ROCK2: variants seen among roughly 807,000 people sequenced by gnomAD.
The protein encoded by ROCK2 is rho-associated protein kinase 2.
In ROCK2, 61 loss-of-function variants were observed where a neutral mutation model predicts 195.1. That is an observed-to-expected ratio of 0.31 (90% CI 0.25 to 0.39). The LOEUF is 0.39. Ranked by LOEUF, ROCK2 falls within the 10% of genes least tolerant of loss-of-function variation. ROCK2 has a pLI of 1.00. For missense variants in ROCK2, 1,109 were observed against 1,637.4 expected, an observed-to-expected ratio of 0.68 and a Z score of 5.57; for synonymous variants, 504 against 545.5, an observed-to-expected ratio of 0.92 and a Z score of 1.06.
intron 3 of ROCK2, among the ~76,000 whole-genome samples, chr2:11,269,317 GC>G (rs796276213): frequency 7.2e-5 from 11 of 152,142 alleles, no homozygotes; most frequent in African/African-American, 2.6e-4. Flanking sequence ...TTTGAGACCA[GC>G]CTGGCCAACA....
At chr2:11,341,392 TTAAC>T (rs1669101236) in intron 1 of ROCK2, among the ~76,000 whole-genome samples, 1 of 152,186 alleles carries the variant, frequency 6.6e-6, no homozygotes, top group Non-Finnish European at 1.5e-5. Flanking sequence ...TTTAAAGCAG[TTAAC>T]TAATAACATG....
At chr2:11,269,666 T>C (rs1474055195) in intron 3 of ROCK2, among the ~76,000 whole-genome samples, 8 of 152,224 alleles carry the variant, frequency 5.3e-5, no homozygotes, top group Admixed American at 4.6e-4. Flanking sequence ...GCCGGTGTGA[T>C]TGTTGTCCAG....
chr2:11,221,778 T>C (rs1317063565), intron 8 of ROCK2, among the ~76,000 whole-genome samples: 1 of 152,208 alleles, frequency 6.6e-6, no homozygotes, highest in Non-Finnish European at 1.5e-5. Context: ...GTCAAACGCA[T>C]TTAAATTAAA....
At chr2:11,194,723 A>G (rs988234984) in intron 28 of ROCK2, among the ~76,000 whole-genome samples, 1 of 152,128 alleles carries the variant, frequency 6.6e-6, no homozygotes, top group Non-Finnish European at 1.5e-5. Flanking sequence ...CAGCAAAAGT[A>G]TCAAAATCAA....
In ROCK2 at chr2:11,198,712, T is replaced by C. The variant is rs1663732910; in HGVS notation, c.2973A>G (p.Glu991=). The C allele has an allele frequency of 6.2e-7, 1 of 1,609,654 alleles. No individual in the cohort carries two copies. The highest frequency in any genetic ancestry group is 1.3e-5 in the African/African-American group (1 of 74,772). Residue 991 remains glutamate, a synonymous_variant, in exon 24 of 33, where the codon GAA becomes GAG. Coordinates refer to ENST00000315872, the MANE Select transcript of ROCK2 (RefSeq NM_004850.5). ...DVANLANEKE[E]LNNKLKDVQE... Reference sequence around the variant, plus strand: ...GAACATCTTTCAATTTGTTATTTAATTCTTCTTTCTCATTTGCAAGATTGG... The same window carrying C: ...GAACATCTTTCAATTTGTTATTTAACTCTTCTTTCTCATTTGCAAGATTGG...
At chr2:11,231,184 A>AT (rs960231792) in intron 5 of ROCK2, among the ~76,000 whole-genome samples, 27 of 147,850 alleles carry the variant, frequency 1.8e-4, no homozygotes, top group East Asian at 3.9e-4. Flanking sequence ...TCTTCAGGTA[A>AT]TTTTTTTTTT....
chr2:11,216,064 G>T (rs726843), intron 13 of ROCK2, 94 bp downstream of exon 13: 1 of 943,302 alleles, frequency 1.1e-6, no homozygotes, highest in Non-Finnish European at 1.7e-6. Flanking sequence ...TTCAAGGCAC[G>T]TATTACTATG....
intron 18 of ROCK2, among the ~76,000 whole-genome samples, chr2:11,209,451 C>T (rs566431222): frequency 9.9e-4 from 151 of 152,316 alleles, no homozygotes; most frequent in African/African-American, 3.2e-3. Context: ...CAAGGAAACG[C>T]TCACAATGTC....
At chr2:11,339,908 G>T (rs1337055191) in intron 1 of ROCK2, among the ~76,000 whole-genome samples, 1 of 152,124 alleles carries the variant, frequency 6.6e-6, no homozygotes, top group African/African-American at 2.4e-5. Context: ...ATTAACTTGT[G>T]TGGTGATTTC....
intron 1 of ROCK2, among the ~76,000 whole-genome samples, chr2:11,292,663 G>C (rs2148202535): frequency 6.6e-6 from 1 of 152,330 alleles, no homozygotes; most frequent in Middle Eastern, 3.4e-3. Context: ...TGTATCTGCT[G>C]TACAGATTAG....
At chr2:11,313,995 A>G (rs537229747) in intron 1 of ROCK2, among the ~76,000 whole-genome samples, 2 of 152,054 alleles carry the variant, frequency 1.3e-5, no homozygotes, top group African/African-American at 2.4e-5. Flanking sequence ...ATAAATATAT[A>G]TAAGAACACT....
At chr2:11,290,826 G>A (rs1429549958) in intron 1 of ROCK2, among the ~76,000 whole-genome samples, 1 of 152,074 alleles carries the variant, frequency 6.6e-6, no homozygotes, top group African/African-American at 2.4e-5. Context: ...ATAAGACACT[G>A]GAGGGAAAAA....
rs572099957 is a variant in ROCK2, at chr2:11,314,757, A to G, written c.142-27021T>C. 2.2e-4 allele frequency among the ~76,000 whole-genome samples: 33 copies of G among 152,152 alleles called. No individual in the cohort carries two copies. The Middle Eastern group carries it at 0.01, about 47-fold the overall frequency. On this transcript the variant is annotated intron_variant, in intron 1 of 32. Coordinates refer to ENST00000315872, the MANE Select transcript of ROCK2 (RefSeq NM_004850.5). ...TGTGGTATGTGATAAAGCCAGGCAA[A>G]TATGATGCTTAAATATAGATGTCCT... is the stretch of plus-strand genomic sequence containing the variant.
intron 1 of ROCK2, among the ~76,000 whole-genome samples, chr2:11,316,819 C>T (rs138029033): frequency 4.1e-4 from 63 of 152,104 alleles, no homozygotes; most frequent in African/African-American, 1.2e-3. Context: ...AAAGAGAGGG[C>T]TAAAACAAAA....
chr2:11,317,601 TATA>T lies in ROCK2; in HGVS notation c.141+26392_141+26394del, dbSNP rs1558388390. 7.5e-4 allele frequency among the ~76,000 whole-genome samples: 14 copies of T among 18,570 alleles called. 1 individual carries two copies. The East Asian group carries it at 0.016, about 21-fold the overall frequency. 12.2% of individuals were successfully genotyped at this position (18,570 alleles called of 152,430 possible). A position where few individuals can be genotyped will look rare whatever the true frequency, so the allele number is the denominator to read the frequency against. ...TTATATATATATATATATATATATA[TATA>T]TATATATATTTTTTTTTTTTTTTAA... On this transcript the variant is annotated intron_variant, in intron 1 of 32. Coordinates refer to ENST00000315872, the MANE Select transcript of ROCK2 (RefSeq NM_004850.5).
At chr2:11,220,145 G>A (rs1027179559) in intron 9 of ROCK2, among the ~76,000 whole-genome samples, 4 of 152,188 alleles carry the variant, frequency 2.6e-5, no homozygotes, top group African/African-American at 9.7e-5. Flanking sequence ...AACCTCCAGA[G>A]TAGCTGGGAT....
At chr2:11,190,557 T>C (rs1162485003) in intron 32 of ROCK2, among the ~76,000 whole-genome samples, 1 of 141,808 alleles carries the variant, frequency 7.1e-6, no homozygotes, top group Non-Finnish European at 1.6e-5. Flanking sequence ...CATTAATGTG[T>C]CAAATAGCAC....
intron 3 of ROCK2, among the ~76,000 whole-genome samples, chr2:11,254,165 C>G (rs1665934763): frequency 6.6e-6 from 1 of 152,132 alleles, no homozygotes; most frequent in Admixed American, 6.5e-5. Context: ...TACCAGCTAG[C>G]CCTCCCATTG....
chr2:11,223,419 C>T (rs1664703224), intron 7 of ROCK2, among the ~76,000 whole-genome samples: 1 of 152,054 alleles, frequency 6.6e-6, no homozygotes, highest in South Asian at 2.1e-4. Context: ...CCCAGAATTC[C>T]ACCTTTAAGA....
Sources: gnomAD v4.1 joint callset for allele counts (sites outside exome capture counted in the v4.1 genomes callset) on GRCh38, gnomAD v4.1.1 for gene constraint, MANE v1.5 for transcripts, NCBI Gene and HGNC (gene_info 2026-07-23, HGNC 2026-07-21) for gene names.